PJA2: variants seen among roughly 807,000 people sequenced by gnomAD.
The protein encoded by PJA2 is E3 ubiquitin-protein ligase Praja-2.
Under a neutral mutation model 69.3 loss-of-function variants are expected in PJA2, and 25 were observed. The ratio of observed to expected loss-of-function variants is 0.36; its 90% CI spans 0.26 to 0.50. PJA2 has a LOEUF of 0.50. Among genes scored for constraint, PJA2 ranks in the 20% least tolerant of loss-of-function variants. The pLI is 0.96. For synonymous variants in PJA2, 308 were observed against 277.8 expected (o/e 1.11, Z -1.08); for missense variants, 809 against 830.2 (o/e 0.97, Z 0.31).
intron 1 of PJA2, among the ~76,000 whole-genome samples, chr5:109,384,077 G>A (rs1747108065): frequency 6.6e-6 from 1 of 152,130 alleles, no homozygotes; most frequent in Non-Finnish European, 1.5e-5. Context: ...GACTGTCAAT[G>A]ACAACAACAC....
intron 1 of PJA2, among the ~76,000 whole-genome samples, chr5:109,403,651 A>T (rs1267153341): frequency 6.6e-6 from 1 of 152,116 alleles, no homozygotes; most frequent in Non-Finnish European, 1.5e-5. Context: ...AGATGATTCA[A>T]CATTCGCAAA....
In PJA2 at chr5:109,383,417, T is replaced by C; in HGVS notation, c.17A>G (p.Glu6Gly). The C allele has an allele frequency of 6.2e-7, 1 of 1,613,384 alleles. No individual in the cohort carries two copies. The highest frequency in any genetic ancestry group is 8.5e-7 in the Non-Finnish European group (1 of 1,179,530). MSQYT[E>G]KEPAAMDQES... ...ACTTTCCTTACCTGCTGGCTCCTTT[T>C]CAGTGTACTGTGACATATATGGCAG... The change falls in exon 2 of 10, where the codon GAA becomes GGA. Residue 6 changes from glutamate to glycine, a missense_variant. Around this residue, in one of 4 missense-constraint regions of PJA2, gnomAD observed 700 missense variants for 639.5 expected, o/e 1.09. Coordinates refer to ENST00000361189, the MANE Select transcript of PJA2 (RefSeq NM_014819.5).
intron 7 of PJA2, among the ~76,000 whole-genome samples, chr5:109,355,037 T>C (rs539044565): frequency 2.0e-5 from 3 of 152,288 alleles, no homozygotes; most frequent in South Asian, 2.1e-4. Context: ...GGTGGGCTGA[T>C]TGCTTGAGCC....
At position 109,337,225 on chromosome 5, in the gene PJA2, C is replaced by A; in HGVS notation, c.*6G>T. 5 of 1,612,590 alleles carry A rather than the reference C, an allele frequency of 3.1e-6. No homozygotes were observed. Among genetic ancestry groups the A allele is most frequent in the Non-Finnish European group, 4.2e-6 (5 of 1,179,550 alleles). On this transcript the variant is annotated 3_prime_UTR_variant, in exon 10 of 10. Coordinates refer to ENST00000361189, the MANE Select transcript of PJA2 (RefSeq NM_014819.5). ...GATACACTGATCTCATTTCAACTGTCAAGGTTTAGGGTGCTTCTGCAATAC... is the reference window on the plus strand; with the variant it reads ...GATACACTGATCTCATTTCAACTGTAAAGGTTTAGGGTGCTTCTGCAATAC...
At chr5:109,351,780 A>T (rs1369886713) in intron 7 of PJA2, among the ~76,000 whole-genome samples, 1 of 152,160 alleles carries the variant, frequency 6.6e-6, no homozygotes, top group African/African-American at 2.4e-5. Context: ...AACTACTTCC[A>T]AAAAGTTATA....
chr5:109,356,065 A>C lies in PJA2; in HGVS notation c.1653-39T>G, dbSNP rs745359648. The C allele has an allele frequency of 2.9e-6, 4 of 1,360,102 alleles. No homozygotes were observed. The African/African-American group carries it at 4.4e-5, about 15-fold the overall frequency. 84.3% of individuals were successfully genotyped at this position (1,360,102 alleles called of 1,614,324 possible). ...AAAATAACAGAAAAAACTCACCACT[A>C]TGATTTGGGAAATCTTATGCTGAGG... is the stretch of plus-strand genomic sequence containing the variant. On this transcript the variant is annotated intron_variant, in intron 6 of 9. Transcript: ENST00000361189.
At position 109,344,854 on chromosome 5, in the gene PJA2, T is replaced by C. The variant is rs369473997; in HGVS notation, c.1765-35A>G. The C allele has an allele frequency of 9.3e-6, 13 of 1,393,662 alleles. 1 individual carries two copies. The Middle Eastern group carries it at 5.4e-4, about 58-fold the overall frequency. 86.3% of individuals were successfully genotyped at this position (1,393,662 alleles called of 1,614,324 possible). ...AAAAGGTACAGTTCTTTGTTAGAAA[T>C]ACTTTAAAACAGTAACAGAAAACTA... On this transcript the variant is annotated intron_variant, in intron 7 of 9. Transcript: ENST00000361189.
rs937619246 is a variant in PJA2, at chr5:109,367,202, T to C, written c.1469+1359A>G. Among the ~76,000 whole-genome samples, 74 of 149,314 alleles carry C rather than the reference T, an allele frequency of 5.0e-4. 1 individual carries two copies. Among genetic ancestry groups the C allele is most frequent in the African/African-American group, 1.8e-3 (74 of 40,850 alleles). ...ATTTATGATATATATATCTCTCTCA[T>C]GAAGAGGAAAAAAATGCCACCTCAA... On this transcript the variant is annotated intron_variant, in intron 5 of 9. Transcript: ENST00000361189.
At chr5:109,392,496 G>C (rs899124595) in intron 1 of PJA2, among the ~76,000 whole-genome samples, 1 of 150,534 alleles carries the variant, frequency 6.6e-6, no homozygotes, top group Non-Finnish European at 1.5e-5. Context: ...AGGAGGTGGA[G>C]GTTGCAGTGA....
chr5:109,400,534 G>C (rs1015265714), intron 1 of PJA2, among the ~76,000 whole-genome samples: 3 of 151,930 alleles, frequency 2.0e-5, no homozygotes, highest in Non-Finnish European at 2.9e-5. Flanking sequence ...AACATTAGAA[G>C]AGAAAGATGC....
intron 1 of PJA2, among the ~76,000 whole-genome samples, chr5:109,401,552 G>C (rs1304671236): frequency 6.6e-6 from 1 of 152,126 alleles, no homozygotes; most frequent in Non-Finnish European, 1.5e-5. Context: ...AAGAATCACA[G>C]CCAAATTCTT....
chr5:109,373,560 T>C (rs750508971), intron 4 of PJA2, among the ~76,000 whole-genome samples: 5 of 152,202 alleles, frequency 3.3e-5, no homozygotes, highest in Non-Finnish European at 7.3e-5. Context: ...TAAAAATCAC[T>C]TTTTAAGGAG....
At position 109,378,593 on chromosome 5, in the gene PJA2, A is replaced by G. The variant is rs760603904; in HGVS notation, c.894T>C (p.Asn298=). The G allele has an allele frequency of 1.3e-5, 21 of 1,613,978 alleles. No homozygotes were observed. The highest frequency in any genetic ancestry group is 1.1e-5 in the South Asian group (1 of 91,070). ...CATGGTTCTTTTCCCTATCATTGGT[A>G]TTTTGTTCACTACAAATATGCCCTG... The part of the protein sequence containing the change: ...CGPGHICSEQ[N]TNDREKNHGS... Residue 298 remains asparagine (N), a synonymous_variant, in exon 4 of 10, where the codon AAT becomes AAC. Coordinates refer to ENST00000361189, the MANE Select transcript of PJA2 (RefSeq NM_014819.5).
intron 7 of PJA2, among the ~76,000 whole-genome samples, chr5:109,346,872 T>TA (rs992125317): frequency 4.0e-5 from 6 of 151,528 alleles, no homozygotes; most frequent in South Asian, 2.1e-4. Context: ...TTTACCATAA[T>TA]AAAAAAAAAT....
intron 7 of PJA2, among the ~76,000 whole-genome samples, chr5:109,351,216 A>C (rs2126990692): frequency 6.6e-6 from 1 of 152,246 alleles, no homozygotes; most frequent in Non-Finnish European, 1.5e-5. Flanking sequence ...ATGCCATAAT[A>C]AACTCCTTCC....
chr5:109,405,979 T>C (rs909659725), intron 1 of PJA2, among the ~76,000 whole-genome samples: 2 of 151,786 alleles, frequency 1.3e-5, no homozygotes, highest in African/African-American at 4.8e-5. Flanking sequence ...TATCTCTGTG[T>C]GTCAAATGAG....
At chr5:109,353,773 T>C (rs1216547076) in intron 7 of PJA2, among the ~76,000 whole-genome samples, 2 of 139,692 alleles carry the variant, frequency 1.4e-5, no homozygotes, top group African/African-American at 5.2e-5. Context: ...TAGAGATATC[T>C]ATAGATTAGA....
chr5:109,354,201 G>A (rs1311314088), intron 7 of PJA2, among the ~76,000 whole-genome samples: 4 of 145,906 alleles, frequency 2.7e-5, no homozygotes, highest in Admixed American at 6.8e-5. Context: ...GATATCTAGA[G>A]ATATCTATAG....
chr5:109,379,928 A>G (rs1036008048), intron 3 of PJA2, among the ~76,000 whole-genome samples: 1 of 152,186 alleles, frequency 6.6e-6, no homozygotes, highest in Non-Finnish European at 1.5e-5. Context: ...AATCATATCT[A>G]TAAATTACTT....
Sources: gnomAD v4.1 joint callset for allele counts (sites outside exome capture counted in the v4.1 genomes callset) on GRCh38, gnomAD v4.1.1 for gene constraint, gnomAD v4.1.1 regional missense constraint, MANE v1.5 for transcripts, NCBI Gene and HGNC (gene_info 2026-07-23, HGNC 2026-07-21) for gene names.